The following GRM5 variants were observed in gnomAD, a reference collection of about 807,000 sequenced individuals.
GRM5 encodes the protein glutamate metabotropic receptor 5.
In GRM5, 19 loss-of-function variants were observed where a neutral mutation model predicts 83.1. That is an observed-to-expected ratio of 0.23 (90% CI 0.16 to 0.34). The LOEUF (loss-of-function observed/expected upper bound fraction) is 0.34. Ranked by LOEUF, GRM5 falls within the 10% of genes least tolerant of loss-of-function variation. GRM5 has a pLI of 1.00. For synonymous variants in GRM5, 675 were observed against 633.6 expected (o/e 1.07, Z -0.98); for missense variants, 1,160 against 1,588.3 (o/e 0.73, Z 4.58).
Position 89,038,123 on chromosome 11 carries a change from CTAGA to C in GRM5, c.661+9085_661+9088del, listed in dbSNP as rs1287891842. 8.0e-5 allele frequency among the ~76,000 whole-genome samples: 12 copies of C among 149,724 alleles called. No individual in the cohort carries two copies. In the East Asian group the frequency reaches 1.6e-3, roughly 20 times the overall value. On this transcript the variant is annotated intron_variant, in intron 2 of 9. Coordinates refer to ENST00000305447, the MANE Select transcript of GRM5 (RefSeq NM_001143831.3). ...ATTTGAAAAAAAAGAAAAACACCGA[CTAGA>C]TAATCTCTTTCTTTAGAATCTCATT...
At chr11:88,512,496 T>C (rs1222205576) in intron 9 of GRM5, 1 of 153,558 alleles carries the variant, frequency 6.5e-6, no homozygotes, top group Non-Finnish European at 1.5e-5. Flanking sequence ...AAGACACAGA[T>C]CTTATCTATC....
intron 3 of GRM5, among the ~76,000 whole-genome samples, chr11:88,744,465 T>C (rs1456529129): frequency 6.6e-6 from 1 of 152,112 alleles, no homozygotes; most frequent in African/African-American, 2.4e-5. Flanking sequence ...CTTTTGCAAC[T>C]GAAGCCCAGG....
At chr11:89,065,740 C>A (rs1289078307) in intron 1 of GRM5, 36 bp downstream of exon 1, 1 of 152,258 alleles carries the variant, frequency 6.6e-6, no homozygotes. Context: ...TCCGTGGTAA[C>A]TATAGCCAAG....
chr11:89,009,024 G>A (rs1313537101), intron 2 of GRM5: 4 of 724,186 alleles, frequency 5.5e-6, no homozygotes, highest in Non-Finnish European at 7.7e-6. Flanking sequence ...TAGCCCTATT[G>A]TTTTACACAC....
At chr11:88,935,204 C>G (rs781007444) in intron 2 of GRM5, among the ~76,000 whole-genome samples, 1 of 151,844 alleles carries the variant, frequency 6.6e-6, no homozygotes, top group Admixed American at 6.6e-5. Context: ...TCTCCACAAC[C>G]CCATGTTCTC....
chr11:88,995,541 T>C (rs1448638438), intron 2 of GRM5, among the ~76,000 whole-genome samples: 1 of 79,360 alleles, frequency 1.3e-5, no homozygotes. Flanking sequence ...CGAGACTCCA[T>C]CTCAAAAAAA....
At chr11:88,661,804 T>G (rs1398215140) in intron 3 of GRM5, among the ~76,000 whole-genome samples, 1 of 152,044 alleles carries the variant, frequency 6.6e-6, no homozygotes, top group Non-Finnish European at 1.5e-5. Flanking sequence ...GCCTCTGGAG[T>G]AGCTAGGACT....
chr11:88,644,608 A>G (rs375537395), intron 4 of GRM5, among the ~76,000 whole-genome samples: 3 of 152,208 alleles, frequency 2.0e-5, no homozygotes, highest in East Asian at 3.8e-4. Flanking sequence ...TTCTTTCTGC[A>G]GTAAACTACT....
intron 6 of GRM5, among the ~76,000 whole-genome samples, chr11:88,591,246 T>G (rs964588911): frequency 6.6e-6 from 1 of 152,202 alleles, no homozygotes; most frequent in Non-Finnish European, 1.5e-5. Context: ...AGCAAAAGAT[T>G]AAGATTTTCC....
intron 3 of GRM5, among the ~76,000 whole-genome samples, chr11:88,802,621 G>C (rs1168163820): frequency 1.3e-5 from 2 of 152,052 alleles, no homozygotes; most frequent in Admixed American, 6.5e-5. Flanking sequence ...TTGAAAACTG[G>C]CACAAGACAA....
At chr11:88,563,064 A>G (rs1352710603) in intron 8 of GRM5, among the ~76,000 whole-genome samples, 3 of 152,232 alleles carry the variant, frequency 2.0e-5, no homozygotes, top group African/African-American at 4.8e-5. Context: ...TCTAAAGAGT[A>G]TAAGTGTTTG....
At chr11:88,964,665 C>G (rs1277790529) in intron 2 of GRM5, among the ~76,000 whole-genome samples, 21 of 152,104 alleles carry the variant, frequency 1.4e-4, no homozygotes, top group Admixed American at 1.3e-3. Flanking sequence ...CAATACATAT[C>G]AAAAGTGCTG....
At chr11:88,926,496 A>G (rs1465163970) in intron 2 of GRM5, among the ~76,000 whole-genome samples, 1 of 152,170 alleles carries the variant, frequency 6.6e-6, no homozygotes, top group East Asian at 1.9e-4. Context: ...GTGTTCATAT[A>G]AAACTTGACC....
At chr11:88,845,423 CTTTT>C (rs71046265) in intron 3 of GRM5, among the ~76,000 whole-genome samples, 8 of 92,444 alleles carry the variant, frequency 8.7e-5, no homozygotes, top group African/African-American at 2.7e-4. Flanking sequence ...ATAAACATAA[CTTTT>C]TTTTTTTTTT....
intron 2 of GRM5, among the ~76,000 whole-genome samples, chr11:88,926,738 T>G (rs191289822): frequency 2.7e-3 from 414 of 152,260 alleles, no homozygotes; most frequent in Non-Finnish European, 4.9e-3. Flanking sequence ...ATCTATTTCT[T>G]AAATGACATC....
intron 2 of GRM5, among the ~76,000 whole-genome samples, chr11:88,944,970 C>G (rs1463714662): frequency 1.3e-5 from 2 of 152,036 alleles, no homozygotes; most frequent in South Asian, 4.2e-4. Context: ...ACCATAAAGA[C>G]TCCACCAAAC....
rs1253652634 is a variant in GRM5, at chr11:88,981,011, G to A, written c.661+66201C>T. 6.9e-4 allele frequency among the ~76,000 whole-genome samples: 103 copies of A among 148,588 alleles called. 1 individual carries two copies. Among genetic ancestry groups the A allele is most frequent in the African/African-American group, 2.5e-3 (100 of 40,138 alleles). The stretch of plus-strand genomic sequence containing the variant: ...TTAAAACTAAAATAGTCCCTAATCA[G>A]AAAAAAAAAATGAGTTTTTTAAAAA... On this transcript the variant is annotated intron_variant, in intron 2 of 9. Transcript: ENST00000305447.
chr11:88,684,450 C>T (rs759889004), intron 3 of GRM5, among the ~76,000 whole-genome samples: 10 of 151,884 alleles, frequency 6.6e-5, no homozygotes, highest in South Asian at 4.2e-4. Context: ...CAAATGTTAG[C>T]GATATATTTT....
At chr11:89,018,377 C>A (rs1452249960) in intron 2 of GRM5, among the ~76,000 whole-genome samples, 5 of 152,134 alleles carry the variant, frequency 3.3e-5, no homozygotes, top group Admixed American at 3.3e-4. Flanking sequence ...CGAGATCCCT[C>A]AGTCATTGTT....
Sources: allele counts gnomAD v4.1 joint callset (sites outside exome capture counted in the v4.1 genomes callset), GRCh38; gene constraint gnomAD v4.1.1; transcripts MANE v1.5; gene names NCBI Gene and HGNC (gene_info 2026-07-23, HGNC 2026-07-21).